CTNNA2: variants seen among roughly 807,000 people sequenced by gnomAD.
CTNNA2 encodes catenin alpha-2.
CTNNA2 carries 42 observed loss-of-function variants against 101.0 expected under a neutral mutation model. The observed-to-expected ratio is 0.42, with a 90% CI of 0.32 to 0.54. The LOEUF (loss-of-function observed/expected upper bound fraction) is 0.54. Ranked by LOEUF, CTNNA2 falls within the 20% of genes least tolerant of loss-of-function variation. The pLI is 0.14. For synonymous variants in CTNNA2, 450 were observed against 456.4 expected (o/e 0.99, Z 0.18); for missense variants, 871 against 1,223.1 (o/e 0.71, Z 4.29).
At chr2:79,362,153 C>T (rs1349554467) in intron 3 of CTNNA2, among the ~76,000 whole-genome samples, 1 of 152,148 alleles carries the variant, frequency 6.6e-6, no homozygotes. Flanking sequence ...GCCAGCTGTG[C>T]CAACCAGGAA....
intron 7 of CTNNA2, among the ~76,000 whole-genome samples, chr2:80,227,713 A>G (rs62141561): frequency 0.025 from 3,871 of 152,312 alleles, 60 homozygotes; most frequent in South Asian, 0.041. Flanking sequence ...TCACTTGGTT[A>G]CAGATGTCAA....
intron 2 of CTNNA2, among the ~76,000 whole-genome samples, chr2:79,711,638 T>G (rs1488483101): frequency 6.6e-6 from 1 of 152,170 alleles, no homozygotes; most frequent in African/African-American, 2.4e-5. Flanking sequence ...GAAAAGACCC[T>G]GACTTTTGCA....
intron 9 of CTNNA2, among the ~76,000 whole-genome samples, chr2:80,543,758 G>A (rs1691786756): frequency 6.6e-6 from 1 of 152,088 alleles, no homozygotes. Context: ...AGCATGGGTG[G>A]TACATTCTAA....
chr2:80,256,814 A>T (rs1672200368), intron 7 of CTNNA2, among the ~76,000 whole-genome samples: 2 of 152,292 alleles, frequency 1.3e-5, no homozygotes, highest in Non-Finnish European at 1.5e-5. Flanking sequence ...GTGAATGAGA[A>T]TTTCACAGCT....
chr2:79,705,791 A>G (rs2104780431), intron 2 of CTNNA2, among the ~76,000 whole-genome samples: 1 of 152,346 alleles, frequency 6.6e-6, no homozygotes, highest in African/African-American at 2.4e-5. Context: ...TGCAATAAAT[A>G]TTTCTCTACT....
intron 18 of CTNNA2, among the ~76,000 whole-genome samples, chr2:80,628,686 G>C (rs1429606332): frequency 2.0e-5 from 3 of 151,978 alleles, no homozygotes; most frequent in African/African-American, 7.3e-5. Flanking sequence ...AGTTTTTAGG[G>C]AATTAAGATA....
intron 7 of CTNNA2, among the ~76,000 whole-genome samples, chr2:80,128,674 G>A (rs942245261): frequency 6.6e-5 from 10 of 152,012 alleles, no homozygotes; most frequent in Admixed American, 6.6e-4. Flanking sequence ...AAGTACAAAT[G>A]GTTTCCTGTT....
intron 7 of CTNNA2, among the ~76,000 whole-genome samples, chr2:80,257,895 G>A (rs1672298148): frequency 6.6e-6 from 1 of 152,142 alleles, no homozygotes; most frequent in Non-Finnish European, 1.5e-5. Flanking sequence ...AATTTTATTT[G>A]TATTCAAAAG....
At chr2:80,333,323 T>A (rs1671499735) in intron 7 of CTNNA2, among the ~76,000 whole-genome samples, 1 of 152,192 alleles carries the variant, frequency 6.6e-6, no homozygotes, top group Non-Finnish European at 1.5e-5. Context: ...TTCCAAGGGC[T>A]TATCTCATGG....
intron 1 of CTNNA2, chr2:79,633,990 A>G (rs1173571562): frequency 1.3e-5 from 2 of 152,236 alleles, no homozygotes; most frequent in Non-Finnish European, 2.9e-5. Context: ...ATTTGCTGAA[A>G]AGCATTTTCA....
chr2:79,509,947 C>A (rs998715210), upstream of CTNNA2, among the ~76,000 whole-genome samples: 1 of 152,168 alleles, frequency 6.6e-6, no homozygotes, highest in African/African-American at 2.4e-5. Context: ...TGAAATTGCT[C>A]AGGAGGGCTT....
intron 15 of CTNNA2, among the ~76,000 whole-genome samples, chr2:80,597,371 C>T (rs1424785283): frequency 3.3e-5 from 5 of 152,048 alleles, no homozygotes; most frequent in Non-Finnish European, 7.4e-5. Context: ...AACAAAAACC[C>T]TAGAAGAAAA....
At chr2:80,605,171 T>C (rs1458273965) in intron 16 of CTNNA2, 1 of 152,032 alleles carries the variant, frequency 6.6e-6, no homozygotes, top group Admixed American at 6.6e-5. Context: ...CTTGAATGTT[T>C]ATTTCCATAC....
intron 7 of CTNNA2, among the ~76,000 whole-genome samples, chr2:80,066,870 CGTGGTGTATATATACACAATAGA>C (rs1284020943): frequency 3.9e-5 from 6 of 152,142 alleles, no homozygotes; most frequent in African/African-American, 1.4e-4. Flanking sequence ...ATAAAGAAAA[CGTGGTGTATATATACACAATAGA>C]ACCTATTCAG....
chr2:80,469,174 T>C (rs761780524), intron 9 of CTNNA2, among the ~76,000 whole-genome samples: 3 of 152,210 alleles, frequency 2.0e-5, no homozygotes, highest in Non-Finnish European at 2.9e-5. Flanking sequence ...CTTTCTTTTC[T>C]TAGGGTCTGA....
chr2:79,531,167 T>A (rs1344530068), intron 1 of CTNNA2, among the ~76,000 whole-genome samples: 1 of 145,088 alleles, frequency 6.9e-6, no homozygotes, highest in Non-Finnish European at 1.5e-5. Flanking sequence ...CCACCACTAG[T>A]TTTTATTTAT....
At chr2:80,249,493 A>G (rs541817243) in intron 7 of CTNNA2, among the ~76,000 whole-genome samples, 1 of 152,356 alleles carries the variant, frequency 6.6e-6, no homozygotes, top group South Asian at 2.1e-4. Flanking sequence ...CTTATTGAGC[A>G]TGTACTTTGT....
chr2:79,456,040 G>A (rs1388417305), intron 4 of CTNNA2, among the ~76,000 whole-genome samples: 1 of 151,602 alleles, frequency 6.6e-6, no homozygotes, highest in Non-Finnish European at 1.5e-5. Flanking sequence ...TGAATTAAAT[G>A]CACAGATATT....
chr2:79,198,994 T>C (rs892510890), intron 2 of CTNNA2, among the ~76,000 whole-genome samples: 1 of 152,194 alleles, frequency 6.6e-6, no homozygotes, highest in Admixed American at 6.5e-5. Context: ...AGTATACAAA[T>C]GGAAGCAAAC....
Sources: allele counts gnomAD v4.1 joint callset (sites outside exome capture counted in the v4.1 genomes callset), GRCh38; gene constraint gnomAD v4.1.1; transcripts MANE v1.5; gene names NCBI Gene and HGNC (gene_info 2026-07-23, HGNC 2026-07-21).